KCNIP3: variants seen among roughly 807,000 people sequenced by gnomAD.
KCNIP3 encodes the protein calsenilin.
Under a neutral mutation model 35.0 loss-of-function variants are expected in KCNIP3, and 28 were observed. The ratio of observed to expected loss-of-function variants is 0.80; its 90% CI spans 0.59 to 1.10. The LOEUF is 1.10. Among genes scored for constraint, KCNIP3 ranks in the 50% least tolerant of loss-of-function variants. KCNIP3 has a pLI of 0.00. For missense variants in KCNIP3, 295 were observed against 338.4 expected, an observed-to-expected ratio of 0.87 and a Z score of 1.01; for synonymous variants, 134 against 133.8, an observed-to-expected ratio of 1.00 and a Z score of -0.01.
At position 95,382,423 on chromosome 2, in the gene KCNIP3, A is replaced by C; in HGVS notation, c.602A>C (p.His201Pro). ...MKSIYDMMGRHTYPILREDAP... is the reference protein window; with the variant it reads ...MKSIYDMMGRPTYPILREDAP... ...TCCATCTATGACATGATGGGCCGCCACACCTACCCCATCCTGCGGGAGGAC... is the reference window on the plus strand; with the variant it reads ...TCCATCTATGACATGATGGGCCGCCCCACCTACCCCATCCTGCGGGAGGAC... Residue 201 changes from histidine (H) to proline (P), a missense_variant, in exon 7 of 9, where the codon CAC (histidine) becomes CCC (proline). Physicochemically the swap from His to Pro is moderately conservative, Grantham distance 77. Coordinates refer to ENST00000295225, the MANE Select transcript of KCNIP3 (RefSeq NM_013434.5). The surrounding 1 kb of genome is among the most constrained non-coding windows in gnomAD (Gnocchi z 4.5). 6.2e-7 allele frequency: 1 copy of C among 1,608,498 alleles called. No individual in the cohort carries two copies. The highest frequency in any genetic ancestry group is 1.7e-4 in the Middle Eastern group (1 of 6,030).
chr2:95,369,048 T>C (rs1307329344), intron 2 of KCNIP3, among the ~76,000 whole-genome samples: 1 of 152,248 alleles, frequency 6.6e-6, no homozygotes, highest in African/African-American at 2.4e-5. Flanking sequence ...TATTGACCTT[T>C]TTTCTTGGGG....
chr2:95,322,661 TGTGAA>T (rs1424096674), intron 2 of KCNIP3, among the ~76,000 whole-genome samples: 2 of 152,210 alleles, frequency 1.3e-5, no homozygotes, highest in Non-Finnish European at 2.9e-5. Context: ...TTTTCTTGTC[TGTGAA>T]GTGAAGGCTG....
At position 95,318,183 on chromosome 2, in the gene KCNIP3, C is replaced by T. The variant is rs192686086; in HGVS notation, c.181+7663C>T. Among the ~76,000 whole-genome samples the T allele has an allele frequency of 2.3e-4, 35 of 152,226 alleles. No homozygotes were observed. In the East Asian group the frequency reaches 6.0e-3, roughly 26 times the overall value. On this transcript the variant is annotated intron_variant, in intron 2 of 8. Coordinates refer to ENST00000295225, the MANE Select transcript of KCNIP3 (RefSeq NM_013434.5). Reference sequence around the variant, plus strand: ...AAGCCTGGGATCCCCCACTCATGGGCCCAGGGAGGGAGAGCAGATGGGGAG... The same window carrying T: ...AAGCCTGGGATCCCCCACTCATGGGTCCAGGGAGGGAGAGCAGATGGGGAG...
At chr2:95,301,433 C>T (rs1334937091) in intron 1 of KCNIP3, among the ~76,000 whole-genome samples, 1 of 152,234 alleles carries the variant, frequency 6.6e-6, no homozygotes, top group South Asian at 2.1e-4. Context: ...CTGACTGCAC[C>T]AGCAGACCTG....
chr2:95,378,777 T>TAC lies in KCNIP3; in HGVS notation c.448-2818_448-2817insCA, dbSNP rs1289521714. Among the ~76,000 whole-genome samples, 15 of 150,374 alleles carry TAC rather than the reference T, an allele frequency of 1.0e-4. No individual in the cohort carries two copies. The highest frequency in any genetic ancestry group is 6.3e-4 in the South Asian group (3 of 4,762). ...AAAACAAAAACAAAATATATATATA[T>TAC]ATACACACACACACACACATATATA... On this transcript the variant is annotated intron_variant, in intron 5 of 8. Coordinates refer to ENST00000295225, the MANE Select transcript of KCNIP3 (RefSeq NM_013434.5). The surrounding 1 kb of genome is among the most constrained non-coding windows in gnomAD (Gnocchi z 4.0).
At chr2:95,373,083 C>T (rs532668017) in intron 2 of KCNIP3, among the ~76,000 whole-genome samples, 11 of 152,290 alleles carry the variant, frequency 7.2e-5, no homozygotes, top group African/African-American at 2.6e-4. Flanking sequence ...GGAGAGGCAG[C>T]AGCCAGCACC....
intron 1 of KCNIP3, among the ~76,000 whole-genome samples, chr2:95,306,690 C>T (rs1257809718): frequency 6.6e-6 from 1 of 152,126 alleles, no homozygotes; most frequent in Non-Finnish European, 1.5e-5. Flanking sequence ...GCTGTCAGGG[C>T]CTGGCAAGGA....
At chr2:95,319,187 A>G (rs1229306343) in intron 2 of KCNIP3, among the ~76,000 whole-genome samples, 2 of 152,246 alleles carry the variant, frequency 1.3e-5, no homozygotes, top group African/African-American at 4.8e-5. Flanking sequence ...AGAGCGGTAG[A>G]GCAGCACAGA....
At chr2:95,308,660 C>T (rs1403777651) in intron 1 of KCNIP3, among the ~76,000 whole-genome samples, 2 of 152,140 alleles carry the variant, frequency 1.3e-5, no homozygotes, top group East Asian at 1.9e-4. Context: ...TCTGTGTGGA[C>T]GGGCATGGCC....
intron 2 of KCNIP3, among the ~76,000 whole-genome samples, chr2:95,354,082 C>T (rs1249580920): frequency 6.6e-6 from 1 of 152,198 alleles, no homozygotes; most frequent in Non-Finnish European, 1.5e-5. Context: ...CAAGTCACTT[C>T]TGTCTGAGTG....
chr2:95,372,945 C>T (rs901067831), intron 2 of KCNIP3, among the ~76,000 whole-genome samples: 4 of 152,206 alleles, frequency 2.6e-5, no homozygotes, highest in African/African-American at 4.8e-5. Flanking sequence ...TTTCCCACCA[C>T]GCTCTCGGGA....
At chr2:95,364,795 T>G (rs905313805) in intron 2 of KCNIP3, among the ~76,000 whole-genome samples, 1 of 152,188 alleles carries the variant, frequency 6.6e-6, no homozygotes, top group Admixed American at 6.5e-5. Context: ...CACTGTGCTT[T>G]GTGTACATCC....
intron 2 of KCNIP3, among the ~76,000 whole-genome samples, chr2:95,353,555 AT>A (rs1679580240): frequency 6.6e-6 from 1 of 152,154 alleles, no homozygotes; most frequent in Non-Finnish European, 1.5e-5. Flanking sequence ...CACCTTCCTC[AT>A]CTGTAGAATG....
rs536967544 is a variant in KCNIP3, at chr2:95,378,211, C to T, written c.447+3003C>T. On this transcript the variant is annotated intron_variant, in intron 5 of 8. Coordinates refer to ENST00000295225, the MANE Select transcript of KCNIP3 (RefSeq NM_013434.5). The surrounding 1 kb of genome is among the most constrained non-coding windows in gnomAD (Gnocchi z 4.0). ...CACCATAGCTCATTGCAGCCTCGAC[C>T]TCCTGGCCTCAAGTGATCCTCCTAC... 1.4e-4 allele frequency among the ~76,000 whole-genome samples: 22 copies of T among 152,300 alleles called. No homozygotes were observed. Among genetic ancestry groups the T allele is most frequent in the African/African-American group, 5.1e-4 (21 of 41,562 alleles).
At chr2:95,333,458 T>C (rs1678981620) in intron 2 of KCNIP3, among the ~76,000 whole-genome samples, 2 of 152,192 alleles carry the variant, frequency 1.3e-5, no homozygotes, top group Non-Finnish European at 2.9e-5. Context: ...GGACCCTGAC[T>C]CCTCTCCTGT....
chr2:95,370,599 G>A (rs1444916636), intron 2 of KCNIP3, among the ~76,000 whole-genome samples: 3 of 152,124 alleles, frequency 2.0e-5, no homozygotes, highest in Non-Finnish European at 2.9e-5. Flanking sequence ...TTACAAAATC[G>A]AGTTATTAGT....
At chr2:95,379,254 C>G (rs1248821072) in intron 5 of KCNIP3, among the ~76,000 whole-genome samples, 1 of 152,184 alleles carries the variant, frequency 6.6e-6, no homozygotes, top group Non-Finnish European at 1.5e-5. Flanking sequence ...GAACTGGACC[C>G]CTCGCTGAGG....
Position 95,326,234 on chromosome 2 carries a change from TACAC to T in KCNIP3, c.181+15722_181+15725del, listed in dbSNP as rs369722375. ...ACACACACACTCATACACATACACA[TACAC>T]ACACACAACACTCACACATACACTC... is the stretch of plus-strand genomic sequence containing the variant. On this transcript the variant is annotated intron_variant, in intron 2 of 8. Coordinates refer to ENST00000295225, the MANE Select transcript of KCNIP3 (RefSeq NM_013434.5). Among the ~76,000 whole-genome samples the T allele has an allele frequency of 4.3e-3, 563 of 129,696 alleles. 2 individuals carry two copies. The highest frequency in any genetic ancestry group is 0.016 in the African/African-American group (518 of 31,858). 85.1% of individuals were successfully genotyped at this position (129,696 alleles called of 152,430 possible). A position where few individuals can be genotyped will look rare whatever the true frequency, so the allele number is the denominator to read the frequency against.
chr2:95,333,852 C>G (rs550062041), intron 2 of KCNIP3, among the ~76,000 whole-genome samples: 13 of 152,304 alleles, frequency 8.5e-5, no homozygotes, highest in Admixed American at 7.2e-4. Flanking sequence ...TGCCCAGCAC[C>G]CTGGCTGCTC....
Sources: allele counts gnomAD v4.1 joint callset (sites outside exome capture counted in the v4.1 genomes callset), GRCh38; gene constraint gnomAD v4.1.1; non-coding constraint Gnocchi (gnomAD v3.1); transcripts MANE v1.5; gene names NCBI Gene and HGNC (gene_info 2026-07-23, HGNC 2026-07-21).